TAF12: variants seen among roughly 807,000 people sequenced by gnomAD.
The protein encoded by TAF12 is transcription initiation factor TFIID subunit 12.
TAF12 carries 3 observed loss-of-function variants against 20.8 expected under a neutral mutation model. The ratio of observed to expected loss-of-function variants is 0.14; its 90% CI spans 0.07 to 0.37. TAF12 has a LOEUF of 0.37. Ranked by LOEUF, TAF12 falls within the 10% of genes least tolerant of loss-of-function variation. The pLI is 1.00. For missense variants in TAF12, 131 were observed against 197.9 expected, an observed-to-expected ratio of 0.66 and a Z score of 2.03; for synonymous variants, 69 against 70.2, an observed-to-expected ratio of 0.98 and a Z score of 0.09.
At chr1:28,629,935 C>T (rs61786034) in intron 1 of TAF12, among the ~76,000 whole-genome samples, 1 of 150,884 alleles carries the variant, frequency 6.6e-6, no homozygotes, top group African/African-American at 2.4e-5. Flanking sequence ...GCACCGCACC[C>T]AACTCTAACC....
chr1:28,613,987 C>G (rs1000247583), intron 3 of TAF12, among the ~76,000 whole-genome samples: 1 of 152,156 alleles, frequency 6.6e-6, no homozygotes, highest in African/African-American at 2.4e-5. Flanking sequence ...CGCCTGTAAC[C>G]CCAGCACTTT....
At chr1:28,625,739 C>T (rs1667361759) in intron 1 of TAF12, among the ~76,000 whole-genome samples, 1 of 151,942 alleles carries the variant, frequency 6.6e-6, no homozygotes, top group South Asian at 2.1e-4. Flanking sequence ...GACGGGGTTT[C>T]ACCGTGTTAG....
intron 1 of TAF12, among the ~76,000 whole-genome samples, chr1:28,631,922 T>C (rs924541627): frequency 2.0e-5 from 3 of 152,154 alleles, no homozygotes; most frequent in Non-Finnish European, 4.4e-5. Context: ...TGAAGACAGT[T>C]TGGTAGTTTC....
chr1:28,628,997 A>G (rs1667530979), intron 1 of TAF12, among the ~76,000 whole-genome samples: 1 of 152,148 alleles, frequency 6.6e-6, no homozygotes, highest in Non-Finnish European at 1.5e-5. Context: ...GCTTGCATGG[A>G]GAGGCAGAGG....
chr1:28,638,787 A>AT (rs759099050), intron 1 of TAF12, among the ~76,000 whole-genome samples: 4,355 of 101,820 alleles, frequency 0.043, 261 homozygotes, highest in African/African-American at 0.094. Flanking sequence ...CACCTGGCCT[A>AT]TTTTTTTTTT....
chr1:28,636,906 G>C (rs1023374942), intron 1 of TAF12, among the ~76,000 whole-genome samples: 1 of 152,162 alleles, frequency 6.6e-6, no homozygotes, highest in Non-Finnish European at 1.5e-5. Flanking sequence ...CTAGGAGTGC[G>C]AGGCTGTAGT....
chr1:28,612,445 AT>A lies in TAF12; in HGVS notation c.361+801del, dbSNP rs529339617. On this transcript the variant is annotated intron_variant, in intron 4 of 5. Transcript: ENST00000373824. ...GTGACAGTGAGACTCGATCAAAAAA[AT>A]ATATATATATATATTTATATATATA... 2.8e-3 allele frequency among the ~76,000 whole-genome samples: 396 copies of A among 143,794 alleles called. 1 individual carries two copies. Among genetic ancestry groups the A allele is most frequent in the African/African-American group, 9.3e-3 (373 of 40,128 alleles). 94.3% of individuals were successfully genotyped at this position (143,794 alleles called of 152,430 possible). A position where few individuals can be genotyped will look rare whatever the true frequency, so the allele number is the denominator to read the frequency against.
chr1:28,644,999 C>G (rs540137113), upstream of TAF12, among the ~76,000 whole-genome samples: 1 of 151,940 alleles, frequency 6.6e-6, no homozygotes, highest in African/African-American at 2.4e-5. Flanking sequence ...TGTGTTCAAG[C>G]GATCCTCCTC....
chr1:28,648,252 G>A, exon 1 of TAF12: 1 of 985,318 alleles, frequency 1.0e-6, no homozygotes, highest in Non-Finnish European at 1.2e-6. Flanking sequence ...CTTCTGTCGT[G>A]AGCAGTTGAC....
intron 4 of TAF12, among the ~76,000 whole-genome samples, chr1:28,609,447 A>G (rs984997988): frequency 6.6e-6 from 1 of 152,064 alleles, no homozygotes; most frequent in African/African-American, 2.4e-5. Flanking sequence ...GGTCAAAGCA[A>G]CATTGTGCAA....
chr1:28,641,646 T>C (rs1185933864), intron 1 of TAF12, among the ~76,000 whole-genome samples: 2 of 151,650 alleles, frequency 1.3e-5, no homozygotes, highest in Non-Finnish European at 2.9e-5. Flanking sequence ...ATTTAAAAAT[T>C]AGCAGGGCGT....
At chr1:28,630,559 A>G (rs9426294) in intron 1 of TAF12, among the ~76,000 whole-genome samples, 30,716 of 151,932 alleles carry the variant, frequency 0.2, 3,849 homozygotes, top group Middle Eastern at 0.31. Context: ...CTCAAAAAAA[A>G]AAAAATTCAA....
At chr1:28,605,833 T>C (rs1325398111) in intron 4 of TAF12, among the ~76,000 whole-genome samples, 2 of 152,086 alleles carry the variant, frequency 1.3e-5, no homozygotes, top group Non-Finnish European at 2.9e-5. Flanking sequence ...GGAATTTTGC[T>C]CCTGTTGCCC....
chr1:28,637,886 C>T (rs77361692), intron 1 of TAF12, among the ~76,000 whole-genome samples: 5,201 of 152,182 alleles, frequency 0.034, 268 homozygotes, highest in African/African-American at 0.12. Flanking sequence ...TGTCATGGTT[C>T]ATGCCTACAA....
rs555804051 is a variant in TAF12, at chr1:28,636,207, G to C, written c.-85+6785C>G. The stretch of plus-strand genomic sequence containing the variant: ...CCAGCTGCTTTTGACTTATCAAAAA[G>C]GCAGTATAGGCCACATGTGGGACCC... On this transcript the variant is annotated intron_variant, in intron 1 of 5. Coordinates refer to ENST00000373824, the MANE Select transcript of TAF12 (RefSeq NM_005644.4). 2.6e-5 allele frequency among the ~76,000 whole-genome samples: 4 copies of C among 152,208 alleles called. No homozygotes were observed. The East Asian group carries it at 7.7e-4, about 29-fold the overall frequency.
chr1:28,617,839 T>C (rs1667092047), intron 3 of TAF12, 114 bp downstream of exon 3: 1 of 1,003,030 alleles, frequency 1.0e-6, no homozygotes, highest in Non-Finnish European at 1.6e-6. Flanking sequence ...GCAATCCTCC[T>C]GCTTTGGTCT....
intron 1 of TAF12, among the ~76,000 whole-genome samples, chr1:28,628,488 C>T (rs950176142): frequency 6.6e-6 from 1 of 151,738 alleles, no homozygotes; most frequent in African/African-American, 2.4e-5. Context: ...ATGGCCAGGG[C>T]ATGTAGGAGA....
chr1:28,644,964 A>G (rs1213139824), upstream of TAF12, among the ~76,000 whole-genome samples: 1 of 152,142 alleles, frequency 6.6e-6, no homozygotes, highest in East Asian at 1.9e-4. Flanking sequence ...TGGCACAATC[A>G]TAGTTCACTA....
At chr1:28,613,204 A>G in intron 4 of TAF12, 43 bp downstream of exon 4, 1 of 1,520,114 alleles carries the variant, frequency 6.6e-7, no homozygotes, top group African/African-American at 1.4e-5. Context: ...AGTCCTGAAG[A>G]AGCAGTTGAA....
Sources: gnomAD v4.1 joint callset for allele counts (sites outside exome capture counted in the v4.1 genomes callset) on GRCh38, gnomAD v4.1.1 for gene constraint, MANE v1.5 for transcripts, NCBI Gene and HGNC (gene_info 2026-07-23, HGNC 2026-07-21) for gene names.